HIBADH: variants seen among roughly 807,000 people sequenced by gnomAD.
HIBADH encodes 3-hydroxyisobutyrate dehydrogenase, also known as 3-hydroxyisobutyrate dehydrogenase, mitochondrial.
Under a neutral mutation model 36.1 loss-of-function variants are expected in HIBADH, and 25 were observed. That is an observed-to-expected ratio of 0.69 (90% CI 0.50 to 0.97). The LOEUF (loss-of-function observed/expected upper bound fraction) is 0.97, where lower values mean the gene tolerates loss of function less well. Among genes scored for constraint, HIBADH ranks in the 50% least tolerant of loss-of-function variants. The pLI, the probability that HIBADH is intolerant of heterozygous loss-of-function variation, is 0.00. For missense variants in HIBADH, 421 were observed against 418.0 expected (o/e 1.01, Z -0.06); for synonymous variants, 160 against 149.5 (o/e 1.07, Z -0.51).
At chr7:27,657,255 T>C (rs1354017495) in intron 1 of HIBADH, among the ~76,000 whole-genome samples, 2 of 152,034 alleles carry the variant, frequency 1.3e-5, no homozygotes, top group Non-Finnish European at 2.9e-5. Context: ...AAAAAAACAG[T>C]ATTAGGCATC....
chr7:27,644,882 C>T (rs1426610763), intron 2 of HIBADH, among the ~76,000 whole-genome samples: 1 of 152,122 alleles, frequency 6.6e-6, no homozygotes, highest in Non-Finnish European at 1.5e-5. Context: ...ATATAGACTT[C>T]CTTATTCTGG....
At chr7:27,575,207 G>A (rs1194239247) in intron 4 of HIBADH, among the ~76,000 whole-genome samples, 1 of 152,204 alleles carries the variant, frequency 6.6e-6, no homozygotes, top group Admixed American at 6.5e-5. Flanking sequence ...TGGACTTACA[G>A]TGTAGCTGAG....
chr7:27,546,215 A>G (rs561703508), intron 4 of HIBADH, among the ~76,000 whole-genome samples: 3 of 151,974 alleles, frequency 2.0e-5, no homozygotes, highest in African/African-American at 4.8e-5. Flanking sequence ...CAATCCTCCC[A>G]CCTCAGCCTT....
chr7:27,614,343 A>G (rs963263964), intron 4 of HIBADH, among the ~76,000 whole-genome samples: 2 of 152,216 alleles, frequency 1.3e-5, no homozygotes, highest in Non-Finnish European at 2.9e-5. Context: ...ATGTAGAGGC[A>G]GTTAGCTTAC....
At chr7:27,547,073 T>C (rs972825422) in intron 4 of HIBADH, among the ~76,000 whole-genome samples, 2 of 152,172 alleles carry the variant, frequency 1.3e-5, no homozygotes, top group Non-Finnish European at 1.5e-5. Context: ...TCCCAAGTCC[T>C]ACAAAGCCCT....
intron 7 of HIBADH, among the ~76,000 whole-genome samples, chr7:27,526,624 C>T (rs1052745309): frequency 6.6e-6 from 1 of 151,986 alleles, no homozygotes; most frequent in African/African-American, 2.4e-5. Flanking sequence ...TTGTTTTGTT[C>T]CACAGATTTG....
In HIBADH at chr7:27,542,985, T is replaced by C. The variant is rs758781605; in HGVS notation, c.600A>G (p.Gly200=). 3 of 1,613,462 alleles carry C rather than the reference T, an allele frequency of 1.9e-6. No individual in the cohort carries two copies. Among genetic ancestry groups the C allele is most frequent in the Admixed American group, 3.3e-5 (2 of 59,914 alleles). ...ATCTTACCTGCCCAGTCCCAACAGC[T>C]CCACAGTACACCACGTTGGAGCCCA... ...GCMGSNVVYC[G]AVGTGQAAKI... Residue 200 remains glycine (G), a synonymous_variant, in exon 5 of 8, where the codon GGA becomes GGG. Coordinates refer to ENST00000265395, the MANE Select transcript of HIBADH (RefSeq NM_152740.4).
intron 5 of HIBADH, among the ~76,000 whole-genome samples, chr7:27,539,972 G>A (rs930597236): frequency 2.0e-5 from 3 of 151,986 alleles, no homozygotes; most frequent in Non-Finnish European, 4.4e-5. Flanking sequence ...TGAGTAGGCT[G>A]AGGAGGAAGA....
intron 2 of HIBADH, among the ~76,000 whole-genome samples, chr7:27,642,748 T>C (rs1366359573): frequency 7.0e-6 from 1 of 142,572 alleles, no homozygotes; most frequent in Non-Finnish European, 1.5e-5. Flanking sequence ...GCCTCCCGGG[T>C]TCACGCCATT....
chr7:27,618,545 C>A (rs141193096), intron 4 of HIBADH, among the ~76,000 whole-genome samples: 1 of 152,230 alleles, frequency 6.6e-6, no homozygotes, highest in African/African-American at 2.4e-5. Flanking sequence ...CTCACCTACC[C>A]AGCCCCCGCT....
intron 4 of HIBADH, among the ~76,000 whole-genome samples, chr7:27,564,813 C>A (rs978093838): frequency 6.6e-6 from 1 of 152,266 alleles, no homozygotes; most frequent in South Asian, 2.1e-4. Flanking sequence ...CTTTCATCAA[C>A]TTTTGTAGTT....
chr7:27,629,286 TACAAAACCATATGGTACA>T (rs1280059086), intron 4 of HIBADH, 67 bp downstream of exon 4: 29 of 1,366,262 alleles, frequency 2.1e-5, no homozygotes, highest in East Asian at 1.2e-4. Context: ...AAATAACTAC[TACAAAACCATATGGTACA>T]ACAAAACCAT....
intron 4 of HIBADH, among the ~76,000 whole-genome samples, chr7:27,574,293 CA>C (rs2128188469): frequency 1.2e-5 from 1 of 82,750 alleles, no homozygotes; most frequent in African/African-American, 5.8e-5. Flanking sequence ...GAAGAGATAG[CA>C]GGTGATTTTT....
chr7:27,602,347 ATC>A (rs1272616448), intron 4 of HIBADH, among the ~76,000 whole-genome samples: 1 of 152,058 alleles, frequency 6.6e-6, no homozygotes, highest in Non-Finnish European at 1.5e-5. Flanking sequence ...GATGTTTTGA[ATC>A]TACTTATTGA....
rs746216719 is a variant in HIBADH at position 27,649,465 on chromosome 7, G to T, written c.252+8C>A. 1 of 1,593,028 alleles carries T rather than the reference G, an allele frequency of 6.3e-7. No individual in the cohort carries two copies. The highest frequency in any genetic ancestry group is 1.3e-5 in the African/African-American group (1 of 74,152). On this transcript the variant is annotated splice_region_variant and intron_variant, in intron 2 of 7. Coordinates refer to ENST00000265395, the MANE Select transcript of HIBADH (RefSeq NM_152740.4). Reference sequence around the variant, plus strand: ...AAATCTAAAACAAATCTAAAGAAAAGGTCTTACCTGTTCACCTGCATCTTG... The same window carrying T: ...AAATCTAAAACAAATCTAAAGAAAATGTCTTACCTGTTCACCTGCATCTTG...
intron 4 of HIBADH, among the ~76,000 whole-genome samples, chr7:27,575,515 C>T (rs1784695506): frequency 1.3e-5 from 2 of 152,038 alleles, no homozygotes; most frequent in African/African-American, 4.8e-5. Flanking sequence ...CATCAGGAAC[C>T]AGAGAAAGTT....
chr7:27,541,243 TCTG>T (rs1270237574), intron 5 of HIBADH, among the ~76,000 whole-genome samples: 5 of 152,110 alleles, frequency 3.3e-5, no homozygotes, highest in Non-Finnish European at 7.4e-5. Flanking sequence ...CTGGGAACTG[TCTG>T]CTGTCTCTTG....
intron 1 of HIBADH, among the ~76,000 whole-genome samples, chr7:27,655,885 G>A (rs1201519957): frequency 4.6e-5 from 7 of 152,076 alleles, no homozygotes; most frequent in Non-Finnish European, 8.8e-5. Flanking sequence ...AGAAATAACT[G>A]ATGAAAACAT....
At chr7:27,657,110 CAA>C (rs1786320968) in intron 1 of HIBADH, among the ~76,000 whole-genome samples, 1 of 151,790 alleles carries the variant, frequency 6.6e-6, no homozygotes, top group Non-Finnish European at 1.5e-5. Context: ...GGGGAATAAA[CAA>C]GAGATTAATG....
Sources: gnomAD v4.1 joint callset for allele counts (sites outside exome capture counted in the v4.1 genomes callset) on GRCh38, gnomAD v4.1.1 for gene constraint, MANE v1.5 for transcripts, NCBI Gene and HGNC (gene_info 2026-07-23, HGNC 2026-07-21) for gene names.